NRXN3: variants seen among roughly 807,000 people sequenced by gnomAD.
NRXN3 encodes the protein neurexin III.
NRXN3 carries 32 observed loss-of-function variants against 137.6 expected under a neutral mutation model. The ratio of observed to expected loss-of-function variants is 0.23; its 90% CI spans 0.18 to 0.31. The LOEUF (loss-of-function observed/expected upper bound fraction) is 0.31. NRXN3 is among the 10% of genes least tolerant of loss of function. NRXN3 has a pLI of 1.00. For synonymous variants in NRXN3, 798 were observed against 784.5 expected (o/e 1.02, Z -0.29); for missense variants, 1,574 against 2,062.5 (o/e 0.76, Z 4.59).
intron 16 of NRXN3, among the ~76,000 whole-genome samples, chr14:79,474,650 A>C (rs1340574768): frequency 6.6e-6 from 1 of 152,076 alleles, no homozygotes; most frequent in Non-Finnish European, 1.5e-5. Flanking sequence ...CTGTTACAAG[A>C]TGATAATGCA....
chr14:79,057,305 T>C (rs1273300334), intron 15 of NRXN3, among the ~76,000 whole-genome samples: 1 of 152,210 alleles, frequency 6.6e-6, no homozygotes, highest in East Asian at 1.9e-4. Flanking sequence ...AGTGATCAAA[T>C]ACGTAAGGTG....
intron 10 of NRXN3, among the ~76,000 whole-genome samples, chr14:78,870,245 T>C (rs2099098028): frequency 6.6e-6 from 1 of 152,194 alleles, no homozygotes; most frequent in Non-Finnish European, 1.5e-5. Flanking sequence ...AGTAAAAAAG[T>C]CTTTATCAAT....
In NRXN3 at chr14:78,444,392, G is replaced by A. The variant is rs563587292; in HGVS notation, c.757+146532G>A. The stretch of plus-strand genomic sequence containing the variant: ...ATCATGCGGCTTTCCTCGGAGTCCT[G>A]GGGAAAATACAGCTCAAGGAGGGTC... On this transcript the variant is annotated intron_variant, in intron 4 of 20. Transcript: ENST00000335750. Among the ~76,000 whole-genome samples, 8 of 152,214 alleles carry A rather than the reference G, an allele frequency of 5.3e-5. No individual in the cohort carries two copies. In the South Asian group the frequency reaches 1.0e-3, roughly 20 times the overall value.
intron 10 of NRXN3, among the ~76,000 whole-genome samples, chr14:78,832,868 T>C (rs1401094629): frequency 6.6e-6 from 1 of 152,210 alleles, no homozygotes; most frequent in African/African-American, 2.4e-5. Flanking sequence ...GTCAGTTGGA[T>C]AACATTGATC....
At chr14:79,222,376 A>C (rs1460305286) in intron 15 of NRXN3, among the ~76,000 whole-genome samples, 2 of 152,098 alleles carry the variant, frequency 1.3e-5, no homozygotes, top group African/African-American at 2.4e-5. Context: ...TGACTGCTGA[A>C]TAATGTTCCC....
intron 16 of NRXN3, among the ~76,000 whole-genome samples, chr14:79,468,756 G>A (rs1368807972): frequency 6.6e-6 from 1 of 152,270 alleles, no homozygotes; most frequent in East Asian, 1.9e-4. Flanking sequence ...GCTGGAAGTC[G>A]GTCTAGCCCC....
chr14:79,861,236 G>A lies in NRXN3; in HGVS notation c.4094-106G>A. On this transcript the variant is annotated intron_variant, in intron 20 of 20. Transcript: ENST00000335750. The surrounding 1 kb of genome is among the most constrained non-coding windows in gnomAD (Gnocchi z 5.4). ...GGACCAAGGCAGCGATGGTTGTGAT[G>A]ATGATGGCTTGGTGATATCTGGGTA... The A allele has an allele frequency of 3.3e-6, 5 of 1,535,578 alleles. No homozygotes were observed. The highest frequency in any genetic ancestry group is 3.5e-6 in the Non-Finnish European group (4 of 1,146,588).
intron 19 of NRXN3, among the ~76,000 whole-genome samples, chr14:79,700,328 A>C (rs922987919): frequency 2.6e-5 from 4 of 152,086 alleles, no homozygotes; most frequent in African/African-American, 9.7e-5. Flanking sequence ...GAGTGGGGAA[A>C]AAAAGGTAGG....
Position 79,679,967 on chromosome 14 carries a change from T to A in NRXN3, c.3617-12206T>A, listed in dbSNP as rs74692451. ...ATTTAGCAGTGCTAGTTGTCCTTAC[T>A]TTTGGTAACCCCTTAGTCCCTGGAT... On this transcript the variant is annotated intron_variant, in intron 17 of 20. Transcript: ENST00000335750. Among the ~76,000 whole-genome samples, 12 of 152,290 alleles carry A rather than the reference T, an allele frequency of 7.9e-5. No homozygotes were observed. In the East Asian group the frequency reaches 2.3e-3, roughly 29 times the overall value.
intron 4 of NRXN3, among the ~76,000 whole-genome samples, chr14:78,522,852 C>T (rs755705638): frequency 9.9e-5 from 15 of 152,190 alleles, no homozygotes; most frequent in Middle Eastern, 3.4e-3. Flanking sequence ...CATTAATTAG[C>T]GAGAGAAGAG....
intron 6 of NRXN3, among the ~76,000 whole-genome samples, chr14:78,672,712 G>A (rs1220836095): frequency 2.0e-5 from 3 of 152,158 alleles, no homozygotes; most frequent in Non-Finnish European, 4.4e-5. Context: ...CTGTGTGACC[G>A]AATGAGCCAA....
At chr14:78,318,511 T>G (rs980505688) in intron 4 of NRXN3, among the ~76,000 whole-genome samples, 1 of 152,184 alleles carries the variant, frequency 6.6e-6, no homozygotes, top group Non-Finnish European at 1.5e-5. Flanking sequence ...ATGCCTCACC[T>G]CATTCACAGA....
rs118002272 is a variant in NRXN3, at chr14:79,835,210, G to T, written c.4094-26132G>T. The stretch of plus-strand genomic sequence containing the variant: ...TTAGCAGAAAAGAAAATACAATGAG[G>T]TAATGCCGGTATAATTTAGCTTGAT... On this transcript the variant is annotated intron_variant, in intron 20 of 20. Coordinates refer to ENST00000335750, the MANE Select transcript of NRXN3 (RefSeq NM_001330195.2). Among the ~76,000 whole-genome samples the T allele has an allele frequency of 2.2e-3, 341 of 152,224 alleles. 13 individuals are homozygous for T. The East Asian group carries it at 0.045, about 20-fold the overall frequency.
intron 15 of NRXN3, among the ~76,000 whole-genome samples, chr14:79,324,034 T>G (rs913143647): frequency 6.6e-6 from 1 of 152,190 alleles, no homozygotes; most frequent in Non-Finnish European, 1.5e-5. Context: ...AGAGTGTGGA[T>G]GTGTTTGATG....
chr14:78,811,879 A>G lies in NRXN3; in HGVS notation c.2275+1535A>G, dbSNP rs74816618. Among the ~76,000 whole-genome samples, 884 of 152,184 alleles carry G rather than the reference A, an allele frequency of 5.8e-3. 4 individuals carry two copies. The highest frequency in any genetic ancestry group is 0.02 in the African/African-American group (843 of 41,520). On this transcript the variant is annotated intron_variant, in intron 10 of 20. Transcript: ENST00000335750. ...TTACAGTTATTTTAAGCAATGGCCT[A>G]TTTTCTGTGTTTAAATATTTCTAAT...
At chr14:79,675,006 T>C (rs1266939325) in intron 17 of NRXN3, among the ~76,000 whole-genome samples, 2 of 151,964 alleles carry the variant, frequency 1.3e-5, no homozygotes, top group African/African-American at 2.4e-5. Flanking sequence ...ACACTATTTG[T>C]TTTTGAATCA....
chr14:78,371,280 A>G (rs187652389), intron 4 of NRXN3, among the ~76,000 whole-genome samples: 32 of 152,338 alleles, frequency 2.1e-4, no homozygotes, highest in African/African-American at 7.5e-4. Context: ...GATACTTCAG[A>G]TAGACGTGGC....
At chr14:79,774,382 G>A (rs751826239) in intron 19 of NRXN3, among the ~76,000 whole-genome samples, 1 of 152,238 alleles carries the variant, frequency 6.6e-6, no homozygotes. Context: ...GGCTTATGGC[G>A]ACCTTGCTTA....
chr14:79,201,012 C>A (rs1028727878), intron 15 of NRXN3: 2 of 151,938 alleles, frequency 1.3e-5, no homozygotes, highest in Non-Finnish European at 2.9e-5. Flanking sequence ...TTTAGGCTTT[C>A]TTTATGGTCA....
Sources: gnomAD v4.1 joint callset for allele counts (sites outside exome capture counted in the v4.1 genomes callset) on GRCh38, gnomAD v4.1.1 for gene constraint, Gnocchi (gnomAD v3.1) non-coding constraint, MANE v1.5 for transcripts, NCBI Gene and HGNC (gene_info 2026-07-23, HGNC 2026-07-21) for gene names.